The following FNTB variants were observed in gnomAD, a reference collection of about 807,000 sequenced individuals.
FNTB encodes the protein protein farnesyltransferase subunit beta.
FNTB carries 27 observed loss-of-function variants against 59.4 expected under a neutral mutation model. That is an observed-to-expected ratio of 0.45 (90% CI 0.34 to 0.63). FNTB has a LOEUF of 0.63. FNTB is among the 20% of genes least tolerant of loss of function. The probability of loss-of-function intolerance (pLI) is 0.02; values close to 1 mark genes in which losing one functional copy is unlikely to be tolerated. For missense variants in FNTB, 449 were observed against 559.6 expected (o/e 0.80, Z 1.99); for synonymous variants, 230 against 220.7 (o/e 1.04, Z -0.37).
At position 65,044,885 on chromosome 14, in the gene FNTB, A is replaced by G. The variant is rs1014431621; in HGVS notation, c.955+442A>G. 1 of 145,164 alleles carries G rather than the reference A, an allele frequency of 6.9e-6. No homozygotes were observed. The highest frequency in any genetic ancestry group is 6.9e-5 in the Admixed American group (1 of 14,398). The allele number at this position is 145,164 out of a possible 1,614,324, so 9.0% of individuals were successfully genotyped here. On this transcript the variant is annotated intron_variant, in intron 9 of 11. Coordinates refer to ENST00000246166, the MANE Select transcript of FNTB (RefSeq NM_002028.4). This position sits in a 1 kb window ranked among gnomAD's most constrained non-coding sequence, Gnocchi z 5.5. The stretch of plus-strand genomic sequence containing the variant: ...GTAAAGGGGTAGAGAACCAGAACCC[A>G]TGTGTAGGGGTGGGTTGTAGGGGTG...
At chr14:64,998,910 C>G (rs1378817627) in intron 1 of FNTB, among the ~76,000 whole-genome samples, 1 of 152,126 alleles carries the variant, frequency 6.6e-6, no homozygotes, top group Non-Finnish European at 1.5e-5. Context: ...AAAATGGAAA[C>G]AGCCAAATTG....
intron 11 of FNTB, among the ~76,000 whole-genome samples, chr14:65,059,474 G>A (rs1490915936): frequency 6.6e-6 from 1 of 152,090 alleles, no homozygotes; most frequent in Non-Finnish European, 1.5e-5. Flanking sequence ...AGCAATTGTT[G>A]TTACTAATTT....
chr14:65,008,053 A>G (rs1036043311), intron 2 of FNTB, among the ~76,000 whole-genome samples: 3 of 152,210 alleles, frequency 2.0e-5, no homozygotes, highest in African/African-American at 7.2e-5. Context: ...AGAATTTCCC[A>G]GATCCTGAGC....
At position 64,991,241 on chromosome 14, in the gene FNTB, A is replaced by G. The variant is rs1888186845; in HGVS notation, c.144+4144A>G. Among the ~76,000 whole-genome samples, 1 of 152,138 alleles carries G rather than the reference A, an allele frequency of 6.6e-6. No homozygotes were observed. Among genetic ancestry groups the G allele is most frequent in the Non-Finnish European group, 1.5e-5 (1 of 68,022 alleles). ...ATGAAGTGACTTGAACTCTGAGGGGAATATAAGAGAATTATTAGTCTTGAT... is the reference window on the plus strand; with the variant it reads ...ATGAAGTGACTTGAACTCTGAGGGGGATATAAGAGAATTATTAGTCTTGAT... On this transcript the variant is annotated intron_variant, in intron 1 of 11. Coordinates refer to ENST00000246166, the MANE Select transcript of FNTB (RefSeq NM_002028.4). This position sits in a 1 kb window ranked among gnomAD's most constrained non-coding sequence, Gnocchi z 4.4.
Position 65,031,324 on chromosome 14 carries a change from GT to G in FNTB, c.606-1275del, listed in dbSNP as rs1320519815. On this transcript the variant is annotated intron_variant, in intron 6 of 11. Coordinates refer to ENST00000246166, the MANE Select transcript of FNTB (RefSeq NM_002028.4). This position sits in a 1 kb window ranked among gnomAD's most constrained non-coding sequence, Gnocchi z 4.6. ...TCAAGTATAATAATTTTTTGTGTTT[GT>G]TTTTTTTTTTGAGACAGAGTCTCAC... Among the ~76,000 whole-genome samples, 46 of 144,220 alleles carry G rather than the reference GT, an allele frequency of 3.2e-4. No homozygotes were observed. The highest frequency in any genetic ancestry group is 1.8e-3 in the South Asian group (8 of 4,532). 94.6% of individuals were successfully genotyped at this position (144,220 alleles called of 152,430 possible).
chr14:65,028,056 G>A lies in FNTB; in HGVS notation c.605+275G>A, dbSNP rs2062016072. ...AAAATACATTTGTTTGGTACAAAATGATATACCACAATATAAATAACTGTA... is the reference window on the plus strand; with the variant it reads ...AAAATACATTTGTTTGGTACAAAATAATATACCACAATATAAATAACTGTA... On this transcript the variant is annotated intron_variant, in intron 6 of 11. Coordinates refer to ENST00000246166, the MANE Select transcript of FNTB (RefSeq NM_002028.4). This position sits in a 1 kb window ranked among gnomAD's most constrained non-coding sequence, Gnocchi z 4.4. Among the ~76,000 whole-genome samples the A allele has an allele frequency of 6.6e-6, 1 of 152,206 alleles. No homozygotes were observed. The highest frequency in any genetic ancestry group is 2.4e-5 in the African/African-American group (1 of 41,458).
Position 65,054,079 on chromosome 14 carries a change from G to A in FNTB, c.1068-496G>A, listed in dbSNP as rs1009966282. 3.3e-5 allele frequency among the ~76,000 whole-genome samples: 5 copies of A among 152,130 alleles called. No individual in the cohort carries two copies. Among genetic ancestry groups the A allele is most frequent in the African/African-American group, 1.2e-4 (5 of 41,436 alleles). The stretch of plus-strand genomic sequence containing the variant: ...AAAGAAAAAAAATACAGTTCCCACT[G>A]CTGGGCAGGGCTGGAGGATGGGGCT... On this transcript the variant is annotated intron_variant, in intron 10 of 11. Transcript: ENST00000246166. The surrounding 1 kb of genome is among the most constrained non-coding windows in gnomAD (Gnocchi z 4.4).
chr14:65,061,709 C>G lies in FNTB; in HGVS notation c.*397C>G. ...CCATTCAGTCACCAGACTGGGTGCCCTCCGATGGGTGGAATAAGTCTGCTT... is the reference window on the plus strand; with the variant it reads ...CCATTCAGTCACCAGACTGGGTGCCGTCCGATGGGTGGAATAAGTCTGCTT... On this transcript the variant is annotated 3_prime_UTR_variant, in exon 12 of 12. Transcript: ENST00000246166. 5.4e-6 allele frequency: 1 copy of G among 186,248 alleles called. No individual in the cohort carries two copies. The highest frequency in any genetic ancestry group is 1.2e-4 in the South Asian group (1 of 8,298). 11.5% of individuals were successfully genotyped at this position (186,248 alleles called of 1,614,324 possible). A position where few individuals can be genotyped will look rare whatever the true frequency, so the allele number is the denominator to read the frequency against.
At chr14:64,989,587 C>T (rs1888105053) in intron 1 of FNTB, among the ~76,000 whole-genome samples, 1 of 151,418 alleles carries the variant, frequency 6.6e-6, no homozygotes. Context: ...ATCTGATTAT[C>T]AGAAGACTCG....
intron 11 of FNTB, among the ~76,000 whole-genome samples, chr14:65,057,576 A>G (rs1252794359): frequency 6.6e-6 from 1 of 152,234 alleles, no homozygotes; most frequent in Non-Finnish European, 1.5e-5. Flanking sequence ...AGACAAAAGG[A>G]GGCACACATT....
At chr14:64,987,227 C>G (rs1289095285) in intron 1 of FNTB, 130 bp downstream of exon 1, 3 of 1,125,668 alleles carry the variant, frequency 2.7e-6, no homozygotes, top group Non-Finnish European at 3.8e-6. Context: ...GGTGCCTTTC[C>G]TCTGGGAAGC....
intron 4 of FNTB, chr14:65,021,914 A>G (rs1018694311): frequency 3.5e-5 from 16 of 455,766 alleles, no homozygotes; most frequent in African/African-American, 2.6e-4. Context: ...CCAAAGTGCT[A>G]GGATTATAGG....
intron 4 of FNTB, among the ~76,000 whole-genome samples, chr14:65,024,858 A>C (rs572319148): frequency 2.0e-5 from 3 of 152,158 alleles, no homozygotes; most frequent in Admixed American, 6.5e-5. Flanking sequence ...GCTTCAAGCA[A>C]TCCTCCTGCC....
intron 7 of FNTB, among the ~76,000 whole-genome samples, chr14:65,034,205 C>T (rs1025426723): frequency 5.3e-5 from 8 of 152,194 alleles, no homozygotes; most frequent in Non-Finnish European, 1.2e-4. Flanking sequence ...GCCCTCTGCC[C>T]TCCTGCTTCA....
intron 4 of FNTB, among the ~76,000 whole-genome samples, chr14:65,026,581 C>A (rs1005499025): frequency 6.6e-6 from 1 of 152,124 alleles, no homozygotes; most frequent in Admixed American, 6.6e-5. Flanking sequence ...GTTTTTCAGC[C>A]GGATGCAGTG....
At chr14:65,052,463 T>C (rs538001518) in intron 9 of FNTB, among the ~76,000 whole-genome samples, 1 of 152,308 alleles carries the variant, frequency 6.6e-6, no homozygotes, top group Non-Finnish European at 1.5e-5. Flanking sequence ...GTACATCCTA[T>C]ATGTATATAT....
intron 2 of FNTB, chr14:65,006,091 T>G: frequency 1.3e-6 from 2 of 1,552,868 alleles, no homozygotes; most frequent in Non-Finnish European, 1.7e-6. Flanking sequence ...AGCAAGTCAG[T>G]CTCTAGGTAC....
intron 1 of FNTB, among the ~76,000 whole-genome samples, chr14:64,992,102 G>A (rs956518231): frequency 6.6e-6 from 1 of 152,178 alleles, no homozygotes; most frequent in African/African-American, 2.4e-5. Flanking sequence ...AACTTTTTAT[G>A]CCTCTGATAG....
chr14:65,015,410 C>CTT (rs888923691), intron 3 of FNTB: 8,839 of 155,396 alleles, frequency 0.057, 391 homozygotes, highest in Admixed American at 0.11. Context: ...GCCTTGTTAT[C>CTT]TTTTTTTTTT....
Sources: allele counts gnomAD v4.1 joint callset (sites outside exome capture counted in the v4.1 genomes callset), GRCh38; gene constraint gnomAD v4.1.1; non-coding constraint Gnocchi (gnomAD v3.1); transcripts MANE v1.5; gene names NCBI Gene and HGNC (gene_info 2026-07-23, HGNC 2026-07-21).